The following OSBPL9 variants were observed in gnomAD, a reference collection of about 807,000 sequenced individuals.
OSBPL9 encodes oxysterol-binding protein-related protein 9.
A neutral mutation model predicts 106.6 loss-of-function variants in OSBPL9; 40 were observed. The observed-to-expected ratio is 0.38, with a 90% confidence interval of 0.29 to 0.49. The LOEUF is 0.49. OSBPL9 is among the 20% of genes least tolerant of loss of function. OSBPL9 has a pLI of 0.97. For missense variants in OSBPL9, 609 were observed against 887.2 expected, an observed-to-expected ratio of 0.69 and a Z score of 3.98; for synonymous variants, 269 against 295.4, an observed-to-expected ratio of 0.91 and a Z score of 0.92.
Position 51,772,126 on chromosome 1 carries a change from G to T in OSBPL9, c.995G>T (p.Arg332Leu), listed in dbSNP as rs546306584. 3 of 1,613,978 alleles carry T rather than the reference G, an allele frequency of 1.9e-6. No homozygotes were observed. The highest frequency in any genetic ancestry group is 1.1e-5 in the South Asian group (1 of 91,082). Residue 332 changes from arginine (R) to leucine (L), a missense_variant, in exon 13 of 24, where the codon CGC becomes CTC. Arg to Leu is a moderately radical substitution (Grantham distance 102). This residue lies in a region of OSBPL9 where 356 missense variants were observed against 505.8 expected (regional missense o/e 0.70). Coordinates refer to ENST00000428468, the MANE Select transcript of OSBPL9 (RefSeq NM_024586.6). ...AGCAGCTCGGGAAATAGTCTAAAAC[G>T]CCCAGATACCACAGAATCACTTAAT... The part of the protein sequence containing the change: ...THSSSGNSLK[R>L]PDTTESLNSS...
chr1:51,704,689 G>A (rs1037224530), intron 3 of OSBPL9, among the ~76,000 whole-genome samples: 17 of 152,178 alleles, frequency 1.1e-4, no homozygotes, highest in African/African-American at 3.9e-4. Flanking sequence ...CTCATGTGTT[G>A]GAAGGAGAGT....
Position 51,729,930 on chromosome 1 carries a change from C to A in OSBPL9, c.319-15606C>A. 7.7e-7 allele frequency: 1 copy of A among 1,306,122 alleles called. No homozygotes were observed. The highest frequency in any genetic ancestry group is 9.8e-7 in the Non-Finnish European group (1 of 1,019,254). The allele number at this position is 1,306,122 out of a possible 1,614,324, so 80.9% of individuals were successfully genotyped here. A position where few individuals can be genotyped will look rare whatever the true frequency, so the allele number is the denominator to read the frequency against. On this transcript the variant is annotated intron_variant, in intron 4 of 23. Transcript: ENST00000428468. This position sits in a 1 kb window ranked among gnomAD's most constrained non-coding sequence, Gnocchi z 5.1. ...GAAAAAGGGGTGCTCGGGAGCAGCC[C>A]CCGGCTACCTCCCCTGGAGGCACAG...
At chr1:51,534,677 G>C in the OSBPL9 span, among the ~76,000 whole-genome samples, 1 of 152,246 alleles carries the variant, frequency 6.6e-6, no homozygotes, top group Non-Finnish European at 1.5e-5. Context: ...TCAGAACTCA[G>C]TACCAATACC....
chr1:51,692,966 A>G (rs182225714), intron 3 of OSBPL9, among the ~76,000 whole-genome samples: 4 of 152,300 alleles, frequency 2.6e-5, no homozygotes, highest in Admixed American at 2.6e-4. Flanking sequence ...GTTTTAGTCT[A>G]TGCTGTTTAG....
At chr1:51,614,638 T>A (rs373848500), upstream of OSBPL9, among the ~76,000 whole-genome samples, 12 of 151,912 alleles carry the variant, frequency 7.9e-5, no homozygotes, top group South Asian at 6.2e-4. Context: ...TTCTAAGAAC[T>A]AATATTTATT....
chr1:51,581,125 A>G (rs1321768836), intron 1 of OSBPL9, among the ~76,000 whole-genome samples: 2 of 148,558 alleles, frequency 1.3e-5, no homozygotes, highest in Non-Finnish European at 3.0e-5. Context: ...GGGTTTCACC[A>G]TGTTGCCCAG....
At chr1:51,784,741 CAGA>C (rs1208500949) in intron 20 of OSBPL9, 159 bp downstream of exon 20, 10 of 814,944 alleles carry the variant, frequency 1.2e-5, no homozygotes, top group African/African-American at 7.0e-5. Context: ...AGTCCCATAT[CAGA>C]AGAAGACCTA....
the OSBPL9 span, among the ~76,000 whole-genome samples, chr1:51,556,776 A>G: frequency 0.011 from 1,455 of 132,102 alleles, 23 homozygotes; most frequent in African/African-American, 0.033. Flanking sequence ...ACAGAGTGAG[A>G]CTCTGTCTCA....
chr1:51,675,433 A>G (rs1237157927), intron 3 of OSBPL9, among the ~76,000 whole-genome samples: 2 of 151,790 alleles, frequency 1.3e-5, no homozygotes, highest in Admixed American at 6.6e-5. Context: ...TGAACTCTCC[A>G]GTTTTAGGAA....
At chr1:51,734,456 G>C (rs879789144) in intron 4 of OSBPL9, among the ~76,000 whole-genome samples, 1 of 152,172 alleles carries the variant, frequency 6.6e-6, no homozygotes, top group East Asian at 1.9e-4. Flanking sequence ...CTTGGCTGCA[G>C]TTGGAACCTG....
intron 3 of OSBPL9, among the ~76,000 whole-genome samples, chr1:51,700,175 T>A (rs1398314270): frequency 6.6e-6 from 1 of 152,258 alleles, no homozygotes; most frequent in Non-Finnish European, 1.5e-5. Flanking sequence ...CACTGCAATG[T>A]GGACACCTTC....
intron 20 of OSBPL9, chr1:51,785,495 G>A: frequency 3.3e-6 from 1 of 298,904 alleles, no homozygotes; most frequent in Non-Finnish European, 6.2e-6. Flanking sequence ...TTCAATGGTG[G>A]TTACGTCTCT....
intron 15 of OSBPL9, among the ~76,000 whole-genome samples, chr1:51,779,860 G>C (rs533574237): frequency 6.6e-6 from 1 of 152,164 alleles, no homozygotes; most frequent in East Asian, 1.9e-4. Flanking sequence ...GGTGGATCAC[G>C]AGGTCAGGAG....
chr1:51,781,157 C>G lies in OSBPL9; in HGVS notation c.1257-7C>G. On this transcript the variant is annotated splice_polypyrimidine_tract_variant and splice_region_variant and intron_variant, in intron 15 of 23. Coordinates refer to ENST00000428468, the MANE Select transcript of OSBPL9 (RefSeq NM_024586.6). ...AGGACATTAAATTTTGTCTTTCTCC[C>G]TTGCAGCATTAGTGACCAGAAGGAT... The G allele has an allele frequency of 5.6e-6, 9 of 1,613,380 alleles. No individual in the cohort carries two copies. Among genetic ancestry groups the G allele is most frequent in the Non-Finnish European group, 6.8e-6 (8 of 1,179,500 alleles).
chr1:51,561,522 T>G, the OSBPL9 span: 2 of 152,036 alleles, frequency 1.3e-5, no homozygotes, highest in African/African-American at 4.8e-5. Flanking sequence ...ACAGAAAAAA[T>G]GTAGAAAATG....
chr1:51,641,701 AATGTGTTG>A (rs1645803501), intron 1 of OSBPL9, among the ~76,000 whole-genome samples: 2 of 152,282 alleles, frequency 1.3e-5, no homozygotes, highest in South Asian at 4.1e-4. Context: ...GGGCCTTACA[AATGTGTTG>A]ATTATATCAC....
rs1167172246 is a variant in OSBPL9 at position 51,787,759 on chromosome 1, A to G, written c.2181A>G (p.Leu727=). ...DGECWVYDEP[L]LKRLGAAKH ...AATGCTGGGTTTATGATGAACCATT[A>G]CTGAAACGTCTTGGTGCTGCCAAGC... Residue 727 remains leucine, a synonymous_variant, in exon 24 of 24, where the codon TTA becomes TTG. Coordinates refer to ENST00000428468, the MANE Select transcript of OSBPL9 (RefSeq NM_024586.6). 8.1e-6 allele frequency: 13 copies of G among 1,613,558 alleles called. No individual in the cohort carries two copies. The highest frequency in any genetic ancestry group is 1.1e-5 in the Non-Finnish European group (13 of 1,179,684).
chr1:51,742,567 A>C (rs147875506), intron 4 of OSBPL9, among the ~76,000 whole-genome samples: 179 of 151,122 alleles, frequency 1.2e-3, no homozygotes, highest in African/African-American at 4.1e-3. Flanking sequence ...CTGTCTCCAC[A>C]AAAAAAGTAA....
chr1:51,764,656 C>T (rs1403130729), intron 11 of OSBPL9, among the ~76,000 whole-genome samples: 2 of 151,486 alleles, frequency 1.3e-5, no homozygotes, highest in African/African-American at 4.9e-5. Flanking sequence ...AAACACAACT[C>T]ACTGCAGCCT....
Sources: gnomAD v4.1 joint callset for allele counts (sites outside exome capture counted in the v4.1 genomes callset) on GRCh38, gnomAD v4.1.1 for gene constraint, gnomAD v4.1.1 regional missense constraint, Gnocchi (gnomAD v3.1) non-coding constraint, MANE v1.5 for transcripts, NCBI Gene and HGNC (gene_info 2026-07-23, HGNC 2026-07-21) for gene names.